Variants in LMNA observed in about 807,000 individuals in gnomAD.
LMNA encodes lamin A/C, also known as lamin.
LMNA carries 20 observed loss-of-function variants against 70.4 expected under a neutral mutation model. The ratio of observed to expected loss-of-function variants is 0.28; its 90% CI spans 0.20 to 0.41. LMNA has a LOEUF of 0.41. LMNA is among the 10% of genes least tolerant of loss of function. The probability of loss-of-function intolerance (pLI) is 1.00; values close to 1 mark genes in which losing one functional copy is unlikely to be tolerated. For missense variants in LMNA, 652 were observed against 917.2 expected (o/e 0.71, Z 3.73); for synonymous variants, 339 against 372.8 (o/e 0.91, Z 1.04).
intron 1 of LMNA, among the ~76,000 whole-genome samples, chr1:156,121,353 T>A (rs1650176861): frequency 6.6e-6 from 1 of 151,964 alleles, no homozygotes; most frequent in African/African-American, 2.4e-5. Context: ...CACGTTCTGA[T>A]TCAAAGGGAA....
In LMNA at chr1:156,139,086, C is replaced by G. The variant is rs1651906596; in HGVS notation, c.1975C>G (p.Gln659Glu). The G allele has an allele frequency of 1.2e-6, 2 of 1,614,012 alleles. No individual in the cohort carries two copies. The highest frequency in any genetic ancestry group is 1.7e-6 in the Non-Finnish European group (2 of 1,179,994). ...CCTCTGTTTTCTCTCTTAGAGCCCC[C>G]AGAACTGCAGCATCATGTAATCTGG... is the stretch of plus-strand genomic sequence containing the variant. Reference protein sequence around the residue: ...GNSSPRTQSPQNCSIM With the variant: ...GNSSPRTQSPENCSIM Residue 659 changes from glutamine (Q) to glutamate (E), a missense_variant, in exon 12 of 12, where the codon CAG (glutamine) becomes GAG (glutamate). Physicochemically the swap from Gln to Glu is conservative, Grantham distance 29. Coordinates refer to ENST00000368300, the MANE Select transcript of LMNA (RefSeq NM_170707.4).
At chr1:156,130,514 A>T in intron 1 of LMNA, 103 bp from the exon 2 acceptor site, 1 of 1,236,884 alleles carries the variant, frequency 8.1e-7, no homozygotes, top group Non-Finnish European at 1.2e-6. Flanking sequence ...TGGTAATTGC[A>T]GGCATAGCAG....
chr1:156,130,382 A>T (rs1650938665), intron 1 of LMNA, among the ~76,000 whole-genome samples: 1 of 152,070 alleles, frequency 6.6e-6, no homozygotes, highest in Non-Finnish European at 1.5e-5. Context: ...CACGTTCCTG[A>T]GCCCTGAGTC....
At position 156,137,374 on chromosome 1, in the gene LMNA, C is replaced by A; in HGVS notation, c.1608+142C>A. On this transcript the variant is annotated intron_variant, in intron 9 of 11. Coordinates refer to ENST00000368300, the MANE Select transcript of LMNA (RefSeq NM_170707.4). This position sits in a 1 kb window ranked among gnomAD's most constrained non-coding sequence, Gnocchi z 4.6. ...GTTGCAGGCTCCAGACTTCTCCACC[C>A]AGTAGGCAAACCAAAAGATGCTTCC... 1 of 1,136,944 alleles carries A rather than the reference C, an allele frequency of 8.8e-7. No homozygotes were observed. Among genetic ancestry groups the A allele is most frequent in the Non-Finnish European group, 1.3e-6 (1 of 789,284 alleles). 70.4% of individuals were successfully genotyped at this position (1,136,944 alleles called of 1,614,324 possible).
chr1:156,138,379 A>G lies in LMNA; in HGVS notation c.1699-109A>G, dbSNP rs1472963360. 4.6e-6 allele frequency: 6 copies of G among 1,315,866 alleles called. No individual in the cohort carries two copies. In the Admixed American group the frequency reaches 1.0e-4, roughly 23 times the overall value. The allele number at this position is 1,315,866 out of a possible 1,614,324, so 81.5% of individuals were successfully genotyped here. On this transcript the variant is annotated intron_variant, in intron 10 of 11. Coordinates refer to ENST00000368300, the MANE Select transcript of LMNA (RefSeq NM_170707.4). This position sits in a 1 kb window ranked among gnomAD's most constrained non-coding sequence, Gnocchi z 5.5. Reference sequence around the variant, plus strand: ...CCGCTGGCTCCTTGGGCACAGAACCACACCTTCCTGCCTGGCGGCTGGGAG... The same window carrying G: ...CCGCTGGCTCCTTGGGCACAGAACCGCACCTTCCTGCCTGGCGGCTGGGAG...
upstream of LMNA, among the ~76,000 whole-genome samples, chr1:156,112,633 C>T (rs1334943311): frequency 6.6e-6 from 1 of 152,122 alleles, no homozygotes; most frequent in East Asian, 1.9e-4. Flanking sequence ...GGTGCCACGC[C>T]CTGGGGGAGA....
intron 3 of LMNA, among the ~76,000 whole-genome samples, chr1:156,101,085 C>G (rs1423394029): frequency 6.6e-6 from 1 of 151,952 alleles, no homozygotes; most frequent in African/African-American, 2.4e-5. Flanking sequence ...GCCTAGGTCT[C>G]GGAGGGCATT....
chr1:156,120,771 G>T lies in LMNA; in HGVS notation c.356+5497G>T, dbSNP rs917950012. Among the ~76,000 whole-genome samples the T allele has an allele frequency of 4.6e-5, 7 of 152,108 alleles. No individual in the cohort carries two copies. In the East Asian group the frequency reaches 1.2e-3, roughly 25 times the overall value. ...CTGCAGGGCCTGTTAGCATATGATC[G>T]ATAGCCTTTGCTCCAGCCTATACCT... On this transcript the variant is annotated intron_variant, in intron 1 of 11. Coordinates refer to ENST00000368300, the MANE Select transcript of LMNA (RefSeq NM_170707.4).
chr1:156,129,936 G>A (rs375310171), intron 1 of LMNA: 47 of 745,588 alleles, frequency 6.3e-5, no homozygotes, highest in Non-Finnish European at 1.0e-4. Flanking sequence ...CCCAGGGCAC[G>A]GATGAGGCAG....
intron 2 of LMNA, 105 bp downstream of exon 2, chr1:156,130,878 T>C: frequency 1.8e-6 from 2 of 1,124,200 alleles, no homozygotes; most frequent in South Asian, 2.8e-5. Context: ...ACCTGTCACC[T>C]GATTTCAGAG....
chr1:156,120,450 C>T (rs903103490), intron 1 of LMNA, among the ~76,000 whole-genome samples: 1 of 152,196 alleles, frequency 6.6e-6, no homozygotes, highest in South Asian at 2.1e-4. Flanking sequence ...GCTCTATGGC[C>T]ATACTTCGTG....
intron 2 of LMNA, among the ~76,000 whole-genome samples, chr1:156,083,775 C>T (rs1300100604): frequency 6.6e-6 from 1 of 151,864 alleles, no homozygotes; most frequent in East Asian, 1.9e-4. Context: ...GAGACTCCGT[C>T]CCCCCCACAA....
intron 1 of LMNA, chr1:156,126,791 G>A: frequency 6.2e-7 from 1 of 1,605,836 alleles, no homozygotes; most frequent in Non-Finnish European, 8.5e-7. Context: ...CTCGCCTCAA[G>A]AGGCCACTGG....
chr1:156,135,400 G>T lies in LMNA; in HGVS notation c.936+88G>T. 6.9e-7 allele frequency: 1 copy of T among 1,448,016 alleles called. No individual in the cohort carries two copies. The highest frequency in any genetic ancestry group is 9.4e-7 in the Non-Finnish European group (1 of 1,061,276). 89.7% of individuals were successfully genotyped at this position (1,448,016 alleles called of 1,614,324 possible). A position where few individuals can be genotyped will look rare whatever the true frequency, so the allele number is the denominator to read the frequency against. On this transcript the variant is annotated intron_variant, in intron 5 of 11. Coordinates refer to ENST00000368300, the MANE Select transcript of LMNA (RefSeq NM_170707.4). The surrounding 1 kb of genome is among the most constrained non-coding windows in gnomAD (Gnocchi z 4.8). ...GCCCAGGGTTGGGGGTGGGGGTGGG[G>T]GTGGGAGGTTCCTGAGGAGGAGAGG... is the stretch of plus-strand genomic sequence containing the variant.
intron 3 of LMNA, among the ~76,000 whole-genome samples, chr1:156,096,753 AAGG>A (rs754341716): frequency 1.3e-5 from 2 of 152,226 alleles, no homozygotes; most frequent in African/African-American, 2.4e-5. Flanking sequence ...ACCCACAGGG[AAGG>A]AGAAGGTGGG....
chr1:156,129,370 C>T (rs911979461), intron 1 of LMNA, among the ~76,000 whole-genome samples: 3 of 152,202 alleles, frequency 2.0e-5, no homozygotes, highest in Non-Finnish European at 2.9e-5. Flanking sequence ...TCCAGAGCTT[C>T]TGCAAATCTA....
rs1339381552 is a variant in LMNA at position 156,136,518 on chromosome 1, G to A, written c.1380+82G>A. On this transcript the variant is annotated intron_variant, in intron 7 of 11. Transcript: ENST00000368300. The surrounding 1 kb of genome is among the most constrained non-coding windows in gnomAD (Gnocchi z 6.1). ...GACAGAAGGATGGCATGTGGAGAGAGGAACATCCTTGCCCTCAGAGGGTGG... is the reference window on the plus strand; with the variant it reads ...GACAGAAGGATGGCATGTGGAGAGAAGAACATCCTTGCCCTCAGAGGGTGG... 7.3e-7 allele frequency: 1 copy of A among 1,378,866 alleles called. No homozygotes were observed. Among genetic ancestry groups the A allele is most frequent in the Non-Finnish European group, 1.0e-6 (1 of 1,001,640 alleles). The allele number at this position is 1,378,866 out of a possible 1,614,324, so 85.4% of individuals were successfully genotyped here. A position where few individuals can be genotyped will look rare whatever the true frequency, so the allele number is the denominator to read the frequency against.
chr1:156,117,936 G>A (rs1205298576), intron 1 of LMNA, among the ~76,000 whole-genome samples: 1 of 149,924 alleles, frequency 6.7e-6, no homozygotes, highest in Non-Finnish European at 1.5e-5. Flanking sequence ...CGGAATAGCT[G>A]AGACTAAGGG....
chr1:156,094,169 C>A (rs1648819260), intron 3 of LMNA, among the ~76,000 whole-genome samples: 1 of 152,194 alleles, frequency 6.6e-6, no homozygotes, highest in African/African-American at 2.4e-5. Flanking sequence ...TCCTCTCAGT[C>A]ACCGCTAGTA....
Sources: allele counts gnomAD v4.1 joint callset (sites outside exome capture counted in the v4.1 genomes callset), GRCh38; gene constraint gnomAD v4.1.1; non-coding constraint Gnocchi (gnomAD v3.1); transcripts MANE v1.5; gene names NCBI Gene and HGNC (gene_info 2026-07-23, HGNC 2026-07-21).